The following UNC5C variants were observed in gnomAD, a reference collection of about 807,000 sequenced individuals.
UNC5C encodes netrin receptor UNC5C.
A neutral mutation model predicts 99.8 loss-of-function variants in UNC5C; 47 were observed. The ratio of observed to expected loss-of-function variants is 0.47; its 90% CI spans 0.37 to 0.60. The LOEUF (loss-of-function observed/expected upper bound fraction) is 0.60. Ranked by LOEUF, UNC5C falls within the 20% of genes least tolerant of loss-of-function variation. The pLI is 0.00. For missense variants in UNC5C, 1,062 were observed against 1,165.9 expected (o/e 0.91, Z 1.30); for synonymous variants, 487 against 452.2 (o/e 1.08, Z -0.98).
At chr4:95,282,918 G>A (rs186285686) in intron 3 of UNC5C, among the ~76,000 whole-genome samples, 1 of 152,026 alleles carries the variant, frequency 6.6e-6, no homozygotes, top group Non-Finnish European at 1.5e-5. Flanking sequence ...GACTCGCCTC[G>A]GGGGAAGAGG....
At chr4:95,470,428 G>A (rs539922627) in intron 1 of UNC5C, among the ~76,000 whole-genome samples, 4 of 152,148 alleles carry the variant, frequency 2.6e-5, no homozygotes, top group East Asian at 1.9e-4. Flanking sequence ...TTACCTGGTC[G>A]ACAGAGAATG....
At chr4:95,370,265 G>A (rs1328955676) in intron 1 of UNC5C, among the ~76,000 whole-genome samples, 1 of 151,302 alleles carries the variant, frequency 6.6e-6, no homozygotes, top group African/African-American at 2.4e-5. Flanking sequence ...AGATATATTG[G>A]GCTATATAAT....
intron 1 of UNC5C, among the ~76,000 whole-genome samples, chr4:95,527,358 T>C (rs934370703): frequency 1.3e-5 from 2 of 152,126 alleles, no homozygotes; most frequent in African/African-American, 2.4e-5. Context: ...AATAATAAAT[T>C]AACTCACTTT....
rs10638203 is a variant in UNC5C at position 95,393,850 on chromosome 4, G to GTTT, written c.125-58222_125-58220dup. On this transcript the variant is annotated intron_variant, in intron 1 of 15. Transcript: ENST00000453304. ...AATAGTAATTCTTATACAATCTACT[G>GTTT]TTTTTTTTTTTTTAAAAAAAAACAG... Among the ~76,000 whole-genome samples, 438 of 133,762 alleles carry GTTT rather than the reference G, an allele frequency of 3.3e-3. 2 individuals carry two copies. The highest frequency in any genetic ancestry group is 9.5e-3 in the East Asian group (44 of 4,644). 87.8% of individuals were successfully genotyped at this position (133,762 alleles called of 152,430 possible).
intron 1 of UNC5C, among the ~76,000 whole-genome samples, chr4:95,536,124 C>T (rs1722777285): frequency 6.7e-6 from 1 of 149,212 alleles, no homozygotes; most frequent in Non-Finnish European, 1.5e-5. Context: ...GTCACCCAGG[C>T]TGGAGTGCAA....
intron 1 of UNC5C, among the ~76,000 whole-genome samples, chr4:95,392,255 G>T (rs1242319786): frequency 6.6e-6 from 1 of 151,860 alleles, no homozygotes; most frequent in Non-Finnish European, 1.5e-5. Context: ...TAATTATATA[G>T]TTATTTCTAG....
chr4:95,228,780 A>C (rs975931022), intron 7 of UNC5C, among the ~76,000 whole-genome samples: 2 of 152,236 alleles, frequency 1.3e-5, no homozygotes, highest in African/African-American at 2.4e-5. Context: ...ACTGTAAAAT[A>C]TCTCTCCATT....
chr4:95,179,758 A>AAC (rs1560716328), intron 14 of UNC5C, among the ~76,000 whole-genome samples: 1 of 151,474 alleles, frequency 6.6e-6, no homozygotes, highest in Non-Finnish European at 1.5e-5. Context: ...AAAAAAAAAA[A>AAC]AAAAAAAGAA....
intron 12 of UNC5C, among the ~76,000 whole-genome samples, chr4:95,192,450 A>C (rs1310415344): frequency 3.3e-4 from 13 of 39,126 alleles, no homozygotes; most frequent in Non-Finnish European, 4.6e-4. Context: ...TCCCCTTCTC[A>C]TCTCCTTCCC....
intron 1 of UNC5C, among the ~76,000 whole-genome samples, chr4:95,510,616 TTTA>T (rs1478629010): frequency 1.3e-5 from 2 of 152,096 alleles, no homozygotes; most frequent in Admixed American, 6.6e-5. Context: ...TCCTTCAGAA[TTTA>T]TTATCTTTAA....
At chr4:95,348,990 C>T (rs1489980618) in intron 1 of UNC5C, among the ~76,000 whole-genome samples, 1 of 26,544 alleles carries the variant, frequency 3.8e-5, no homozygotes, top group Non-Finnish European at 7.2e-5. Flanking sequence ...AGAGGGAGGG[C>T]GGGAGGGGGT....
At chr4:95,176,322 C>G (rs1426204683) in intron 14 of UNC5C, among the ~76,000 whole-genome samples, 1 of 152,120 alleles carries the variant, frequency 6.6e-6, no homozygotes, top group Admixed American at 6.5e-5. Flanking sequence ...AGGCGCTCTG[C>G]TTTTTAGAGT....
intron 12 of UNC5C, 48 bp from the exon 13 acceptor site, chr4:95,185,244 C>A: frequency 6.5e-7 from 1 of 1,546,922 alleles, no homozygotes; most frequent in Non-Finnish European, 8.7e-7. Context: ...ATTTGGATCA[C>A]TTCTGTCAGC....
At chr4:95,462,497 CTA>C (rs1406758527) in intron 1 of UNC5C, among the ~76,000 whole-genome samples, 3 of 152,096 alleles carry the variant, frequency 2.0e-5, no homozygotes, top group African/African-American at 7.2e-5. Flanking sequence ...TTAACCCTGA[CTA>C]TAAAAATGAA....
intron 1 of UNC5C, among the ~76,000 whole-genome samples, chr4:95,396,079 C>T (rs1044950814): frequency 3.9e-5 from 6 of 152,120 alleles, no homozygotes; most frequent in African/African-American, 1.2e-4. Context: ...TAACCAATAA[C>T]GAGGGCAAAG....
At chr4:95,188,181 G>T (rs1456018615) in intron 12 of UNC5C, among the ~76,000 whole-genome samples, 1 of 152,106 alleles carries the variant, frequency 6.6e-6, no homozygotes, top group African/African-American at 2.4e-5. Context: ...GGAGACTGCT[G>T]GCTCAGACAG....
In UNC5C at chr4:95,163,851, C is replaced by A. The variant is rs2149340288; in HGVS notation, c.*5383G>T. On this transcript the variant is annotated 3_prime_UTR_variant, in exon 16 of 16. Transcript: ENST00000453304. ...TCTCTGGACAGGTCCCTTCAGTAGG[C>A]AAGCGTCTGAGTAGACAGCAGGCTG... 6.6e-6 allele frequency: 1 copy of A among 152,284 alleles called. No individual in the cohort carries two copies. Among genetic ancestry groups the A allele is most frequent in the African/African-American group, 2.4e-5 (1 of 41,552 alleles). The allele number at this position is 152,284 out of a possible 1,614,324, so 9.4% of individuals were successfully genotyped here.
chr4:95,322,400 C>T (rs1477562613), intron 2 of UNC5C, among the ~76,000 whole-genome samples: 1 of 152,128 alleles, frequency 6.6e-6, no homozygotes, highest in Non-Finnish European at 1.5e-5. Flanking sequence ...GGATGAGTAG[C>T]TATAATCTCA....
chr4:95,355,278 C>T (rs918717353), intron 1 of UNC5C, among the ~76,000 whole-genome samples: 1 of 152,078 alleles, frequency 6.6e-6, no homozygotes, highest in African/African-American at 2.4e-5. Context: ...TAGAGATGAC[C>T]ACAAGATAAG....
Sources: gnomAD v4.1 joint callset for allele counts (sites outside exome capture counted in the v4.1 genomes callset) on GRCh38, gnomAD v4.1.1 for gene constraint, MANE v1.5 for transcripts, NCBI Gene and HGNC (gene_info 2026-07-23, HGNC 2026-07-21) for gene names.